TRPM7: variants seen among roughly 807,000 people sequenced by gnomAD.
TRPM7 encodes the protein transient receptor potential cation channel subfamily M member 7, also known as LTRPC ion channel family member 7.
A neutral mutation model predicts 229.7 loss-of-function variants in TRPM7; 134 were observed. That is an observed-to-expected ratio of 0.58 (90% CI 0.51 to 0.67). TRPM7 has a LOEUF of 0.67. TRPM7 is among the 30% of genes least tolerant of loss of function. The probability of loss-of-function intolerance (pLI) is 0.00; values close to 1 mark genes in which losing one functional copy is unlikely to be tolerated. For missense variants in TRPM7, 1,901 were observed against 2,210.0 expected (o/e 0.86, Z 2.80); for synonymous variants, 699 against 715.2 (o/e 0.98, Z 0.36).
In TRPM7 at chr15:50,648,873, A is replaced by T; in HGVS notation, c.135T>A (p.Gly45=). ...AACAAGCATGTTGCTTGACCAAGCG[A>T]CCACAAAAACACCTAAAAGAAAAAG... ...ICQQLVRCFC[G]RLVKQHACFT... The change falls in exon 4 of 39, where the codon GGT becomes GGA. Residue 45 remains glycine (G), a synonymous_variant. Coordinates refer to ENST00000646667, the MANE Select transcript of TRPM7 (RefSeq NM_017672.6). The T allele has an allele frequency of 6.2e-7, 1 of 1,606,728 alleles. No individual in the cohort carries two copies. The highest frequency in any genetic ancestry group is 1.7e-4 in the Middle Eastern group (1 of 6,034).
intron 13 of TRPM7, among the ~76,000 whole-genome samples, chr15:50,617,346 AAAAC>A (rs1198989987): frequency 6.6e-6 from 1 of 150,760 alleles, no homozygotes. Context: ...AAAAAAAAAA[AAAAC>A]AAATCAGTCA....
intron 1 of TRPM7, among the ~76,000 whole-genome samples, chr15:50,685,922 C>T (rs2062349782): frequency 6.6e-6 from 1 of 152,138 alleles, no homozygotes; most frequent in African/African-American, 2.4e-5. Context: ...CACCAAAATC[C>T]TTAATTCTTG....
chr15:50,610,204 G>A (rs2060030962), intron 17 of TRPM7, among the ~76,000 whole-genome samples: 2 of 151,976 alleles, frequency 1.3e-5, no homozygotes, highest in Non-Finnish European at 2.9e-5. Flanking sequence ...GATAATAAGG[G>A]TATAGGATAG....
intron 5 of TRPM7, among the ~76,000 whole-genome samples, chr15:50,640,266 A>T (rs1009588653): frequency 7.9e-5 from 12 of 152,010 alleles, no homozygotes; most frequent in Admixed American, 7.9e-4. Flanking sequence ...ACTCCTCATT[A>T]TCACTTCTTT....
At position 50,592,303 on chromosome 15, in the gene TRPM7, T is replaced by C; in HGVS notation, c.3932A>G (p.Asn1311Ser). 6.2e-7 allele frequency: 1 copy of C among 1,613,874 alleles called. No homozygotes were observed. Among genetic ancestry groups the C allele is most frequent in the Non-Finnish European group, 8.5e-7 (1 of 1,179,924 alleles). The change falls in exon 26 of 39, where the codon AAT (asparagine) becomes AGT (serine). Residue 1311 changes from asparagine to serine, a missense_variant. Around this residue, in one of 8 missense-constraint regions of TRPM7, gnomAD observed 533 missense variants for 497.1 expected, o/e 1.07. Coordinates refer to ENST00000646667, the MANE Select transcript of TRPM7 (RefSeq NM_017672.6). ...CATTAAAATATTACAATGAAAAGGA[T>C]TATTACTTTCAAGATCACCTTGAGG... ...SLPQGDLESN[N>S]PFHCNILMKD... is the part of the protein sequence containing the mutation.
At chr15:50,639,603 G>A (rs1182475945) in intron 5 of TRPM7, 55 bp from the exon 6 acceptor site, 2 of 1,544,022 alleles carry the variant, frequency 1.3e-6, no homozygotes, top group Non-Finnish European at 1.8e-6. Flanking sequence ...TAAAGACAGG[G>A]TCACCCAGGA....
intron 21 of TRPM7, chr15:50,604,166 C>T (rs1375446252): frequency 6.6e-6 from 1 of 152,138 alleles, no homozygotes; most frequent in Non-Finnish European, 1.5e-5. Flanking sequence ...AACTTGACAT[C>T]TAGATTTTAA....
chr15:50,668,304 C>T (rs140836557), intron 1 of TRPM7, among the ~76,000 whole-genome samples: 5 of 152,248 alleles, frequency 3.3e-5, no homozygotes, highest in South Asian at 2.1e-4. Flanking sequence ...ATGTAAGACT[C>T]ATCTTTTTTA....
chr15:50,642,968 C>A (rs995964579), intron 5 of TRPM7, among the ~76,000 whole-genome samples: 4 of 151,992 alleles, frequency 2.6e-5, no homozygotes, highest in Non-Finnish European at 4.4e-5. Flanking sequence ...CAGTGTTGAT[C>A]TGTATTTCAA....
intron 26 of TRPM7, among the ~76,000 whole-genome samples, chr15:50,591,504 T>C (rs1024882758): frequency 2.1e-5 from 3 of 141,398 alleles, no homozygotes; most frequent in African/African-American, 8.3e-5. Flanking sequence ...TTTTTTTTCA[T>C]TTCATTTCTA....
chr15:50,576,026 G>C (rs544370319), intron 31 of TRPM7, 107 bp from the exon 32 acceptor site: 76 of 1,177,312 alleles, frequency 6.5e-5, no homozygotes, highest in Non-Finnish European at 8.9e-5. Context: ...TAGTGTAACT[G>C]TTCCTCACAA....
intron 10 of TRPM7, among the ~76,000 whole-genome samples, chr15:50,631,157 T>C (rs749208244): frequency 1.3e-5 from 2 of 152,172 alleles, no homozygotes; most frequent in Non-Finnish European, 2.9e-5. Flanking sequence ...ATAGGACTAT[T>C]AAATAGGTTT....
At chr15:50,640,256 ACTC>A (rs2061053459) in intron 5 of TRPM7, among the ~76,000 whole-genome samples, 1 of 151,798 alleles carries the variant, frequency 6.6e-6, no homozygotes, top group South Asian at 2.1e-4. Flanking sequence ...AGAGCATATA[ACTC>A]CTCATTATCA....
At chr15:50,610,432 C>T (rs1478159222) in intron 17 of TRPM7, among the ~76,000 whole-genome samples, 1 of 152,100 alleles carries the variant, frequency 6.6e-6, no homozygotes, top group Non-Finnish European at 1.5e-5. Flanking sequence ...TTATTACTTG[C>T]AAAATCCCAA....
chr15:50,566,853 A>G (rs1361690061), intron 38 of TRPM7, among the ~76,000 whole-genome samples: 2 of 152,214 alleles, frequency 1.3e-5, no homozygotes, highest in Non-Finnish European at 2.9e-5. Flanking sequence ...GAGTAAAACA[A>G]TGACAACGAA....
At chr15:50,562,033 T>C (rs973688950) in intron 38 of TRPM7, among the ~76,000 whole-genome samples, 5 of 152,082 alleles carry the variant, frequency 3.3e-5, no homozygotes, top group African/African-American at 1.2e-4. Flanking sequence ...TAGCTGGGAT[T>C]ACAGGCATGC....
intron 26 of TRPM7, among the ~76,000 whole-genome samples, chr15:50,591,263 T>C (rs74758345): frequency 0.029 from 4,405 of 152,232 alleles, 233 homozygotes; most frequent in African/African-American, 0.1. Context: ...GGTAAAAAAA[T>C]TATATGGTCA....
intron 6 of TRPM7, among the ~76,000 whole-genome samples, chr15:50,638,129 G>T (rs1437976794): frequency 6.6e-6 from 1 of 151,764 alleles, no homozygotes; most frequent in Non-Finnish European, 1.5e-5. Flanking sequence ...GGAGGCCGAG[G>T]CGGGCGGATC....
In TRPM7 at chr15:50,612,628, T is replaced by G; in HGVS notation, c.1972A>C (p.Ile658Leu). The change falls in exon 16 of 39, where the codon ATC (isoleucine) becomes CTC (leucine). Residue 658 changes from isoleucine (I) to leucine (L), a missense_variant. Physicochemically the swap from Ile to Leu is conservative, Grantham distance 5. Coordinates refer to ENST00000646667, the MANE Select transcript of TRPM7 (RefSeq NM_017672.6). ...SMAKALVACK[I>L]YRSMAYEAKQ... ...GCTTCATATGCCATTGAACGATAGATCTTACAGGCAACTAATGCTTTAGCC... is the reference window on the plus strand; with the variant it reads ...GCTTCATATGCCATTGAACGATAGAGCTTACAGGCAACTAATGCTTTAGCC... 6.2e-7 allele frequency: 1 copy of G among 1,614,184 alleles called. No individual in the cohort carries two copies. Among genetic ancestry groups the G allele is most frequent in the Non-Finnish European group, 8.5e-7 (1 of 1,180,026 alleles).
Sources: gnomAD v4.1 joint callset for allele counts (sites outside exome capture counted in the v4.1 genomes callset) on GRCh38, gnomAD v4.1.1 for gene constraint, gnomAD v4.1.1 regional missense constraint, MANE v1.5 for transcripts, NCBI Gene and HGNC (gene_info 2026-07-23, HGNC 2026-07-21) for gene names.